The following MDGA2 variants were observed in gnomAD, a reference collection of about 807,000 sequenced individuals.
The protein encoded by MDGA2 is MAM domain-containing glycosylphosphatidylinositol anchor protein 2.
Under a neutral mutation model 117.8 loss-of-function variants are expected in MDGA2, and 40 were observed. The observed-to-expected ratio is 0.34, with a 90% CI of 0.26 to 0.44. The LOEUF (loss-of-function observed/expected upper bound fraction) is 0.44. MDGA2 is among the 20% of genes least tolerant of loss of function. The probability of loss-of-function intolerance (pLI) is 1.00; values close to 1 mark genes in which losing one functional copy is unlikely to be tolerated. For synonymous variants in MDGA2, 452 were observed against 439.0 expected (o/e 1.03, Z -0.37); for missense variants, 1,123 against 1,250.6 (o/e 0.90, Z 1.54).
At chr14:47,089,715 G>T (rs1226576299) in intron 6 of MDGA2, among the ~76,000 whole-genome samples, 1 of 152,020 alleles carries the variant, frequency 6.6e-6, no homozygotes, top group Admixed American at 6.6e-5. Flanking sequence ...CATAAAAAAG[G>T]ATGAGTTCAT....
chr14:47,609,465 A>ATACATATATAT (rs1555336021), intron 1 of MDGA2, among the ~76,000 whole-genome samples: 4 of 107,386 alleles, frequency 3.7e-5, no homozygotes, highest in East Asian at 2.9e-4. Flanking sequence ...ATATATATAT[A>ATACATATATAT]AGTTTCTTTA....
chr14:47,397,444 G>A (rs778043396), intron 1 of MDGA2, among the ~76,000 whole-genome samples: 5 of 151,802 alleles, frequency 3.3e-5, no homozygotes, highest in East Asian at 1.9e-4. Context: ...AAACCTGAAC[G>A]TTCTGCACGT....
intron 6 of MDGA2, among the ~76,000 whole-genome samples, chr14:47,086,094 G>GTTTTTTTTTTTGT (rs1890886243): frequency 7.1e-6 from 1 of 141,774 alleles, no homozygotes; most frequent in Non-Finnish European, 1.5e-5. Flanking sequence ...AATGTGTAAG[G>GTTTTTTTTTTTGT]TTTTTTTTTT....
At chr14:46,886,002 A>C (rs1367128231) in intron 10 of MDGA2, among the ~76,000 whole-genome samples, 1 of 152,116 alleles carries the variant, frequency 6.6e-6, no homozygotes, top group Non-Finnish European at 1.5e-5. Flanking sequence ...CATTCAAAAG[A>C]CGTTTGCTAT....
rs1455557576 is a variant in MDGA2 at position 47,675,000 on chromosome 14, C to T, written c.-204G>A. 1.2e-5 allele frequency: 4 copies of T among 322,844 alleles called. No homozygotes were observed. Among genetic ancestry groups the T allele is most frequent in the African/African-American group, 6.6e-5 (3 of 45,768 alleles). 20.0% of individuals were successfully genotyped at this position (322,844 alleles called of 1,614,324 possible). A position where few individuals can be genotyped will look rare whatever the true frequency, so the allele number is the denominator to read the frequency against. ...CGAGTCTCCGCAGCTGCGGCGGCGG[C>T]GGCGGCGCGCTGGGCCGGCGGCGGG... On this transcript the variant is annotated 5_prime_UTR_variant, in exon 1 of 17. Coordinates refer to ENST00000399232, the MANE Select transcript of MDGA2 (RefSeq NM_001113498.3).
rs111579592 is a variant in MDGA2, at chr14:47,099,364, C to T, written c.926-2241G>A. 6.5e-4 allele frequency among the ~76,000 whole-genome samples: 99 copies of T among 151,682 alleles called. 2 individuals carry two copies. Among genetic ancestry groups the T allele is most frequent in the African/African-American group, 2.3e-3 (95 of 41,402 alleles). ...AAGCAAGCTTCAGTGTAAATCATGT[C>T]GTTGAGTAAAAACTGATATAGGAAA... On this transcript the variant is annotated intron_variant, in intron 5 of 16. Transcript: ENST00000399232.
intron 1 of MDGA2, chr14:47,342,959 G>A (rs1890674835): frequency 3.1e-6 from 2 of 644,094 alleles, no homozygotes; most frequent in Middle Eastern, 2.9e-4. Context: ...AGTCACAGTA[G>A]TAGGAGGAAG....
At chr14:47,312,126 A>C (rs1188059182) in intron 1 of MDGA2, among the ~76,000 whole-genome samples, 2 of 152,176 alleles carry the variant, frequency 1.3e-5, no homozygotes, top group African/African-American at 4.8e-5. Flanking sequence ...AGGCTTTGAC[A>C]ATCTCATAGA....
rs777715271 is a variant in MDGA2, at chr14:47,595,547, C to CAAA, written c.280+78967_280+78969dup. ...AACTCCTTCTAAAAAAACCAAAAAACAAAAAAAAACAAAAAAAAAAAAAAC... is the reference window on the plus strand; with the variant it reads ...AACTCCTTCTAAAAAAACCAAAAAACAAAAAAAAAAAACAAAAAAAAAAAAAAC... On this transcript the variant is annotated intron_variant, in intron 1 of 16. Coordinates refer to ENST00000399232, the MANE Select transcript of MDGA2 (RefSeq NM_001113498.3). Among the ~76,000 whole-genome samples, 3 of 69,042 alleles carry CAAA rather than the reference C, an allele frequency of 4.3e-5. 1 individual carries two copies. Among genetic ancestry groups the CAAA allele is most frequent in the Non-Finnish European group, 7.6e-5 (3 of 39,376 alleles). 45.3% of individuals were successfully genotyped at this position (69,042 alleles called of 152,430 possible).
At chr14:47,360,570 T>A (rs1029898770) in intron 1 of MDGA2, among the ~76,000 whole-genome samples, 1 of 152,026 alleles carries the variant, frequency 6.6e-6, no homozygotes, top group Non-Finnish European at 1.5e-5. Context: ...AGACAAGAGA[T>A]AACAAGTATT....
At chr14:47,617,956 T>G (rs1389637170) in intron 1 of MDGA2, among the ~76,000 whole-genome samples, 1 of 152,174 alleles carries the variant, frequency 6.6e-6, no homozygotes, top group Admixed American at 6.5e-5. Context: ...AATAACTTTT[T>G]AATTAAAAAG....
At chr14:47,192,549 A>C (rs958147638) in intron 3 of MDGA2, among the ~76,000 whole-genome samples, 1 of 152,050 alleles carries the variant, frequency 6.6e-6, no homozygotes, top group African/African-American at 2.4e-5. Flanking sequence ...TGGGAGGCAG[A>C]GAACCTGGGA....
chr14:47,517,344 T>C (rs2009141061), intron 1 of MDGA2, among the ~76,000 whole-genome samples: 1 of 152,170 alleles, frequency 6.6e-6, no homozygotes, highest in Non-Finnish European at 1.5e-5. Context: ...TAAAAGTTAA[T>C]GCAGAGATAT....
intron 3 of MDGA2, among the ~76,000 whole-genome samples, chr14:47,210,530 G>A (rs1885842690): frequency 6.6e-6 from 1 of 152,102 alleles, no homozygotes; most frequent in African/African-American, 2.4e-5. Context: ...AGAATCTTAA[G>A]GTAACAAATA....
intron 1 of MDGA2, among the ~76,000 whole-genome samples, chr14:47,534,634 C>G (rs893210585): frequency 7.9e-5 from 12 of 152,260 alleles, no homozygotes; most frequent in African/African-American, 2.9e-4. Flanking sequence ...CACCTCCCAC[C>G]AAGTCCCCCC....
At chr14:46,845,016 G>A (rs1803619924) in intron 16 of MDGA2, among the ~76,000 whole-genome samples, 1 of 152,076 alleles carries the variant, frequency 6.6e-6, no homozygotes, top group South Asian at 2.1e-4. Flanking sequence ...CGAGTAGCTG[G>A]GACTACAGGG....
At chr14:47,581,542 A>G (rs1013410255) in intron 1 of MDGA2, among the ~76,000 whole-genome samples, 1 of 152,032 alleles carries the variant, frequency 6.6e-6, no homozygotes, top group African/African-American at 2.4e-5. Context: ...CGTACAGTGC[A>G]TATTCCCACT....
chr14:47,540,540 G>GTGTATATATATATATATATA, intron 1 of MDGA2, among the ~76,000 whole-genome samples: 1 of 79,218 alleles, frequency 1.3e-5, no homozygotes, highest in African/African-American at 3.9e-5. Flanking sequence ...GTGTGTGTGT[G>GTGTATATATATATATATATA]TATATATATA....
At chr14:47,350,075 T>C (rs1890845951) in intron 1 of MDGA2, among the ~76,000 whole-genome samples, 1 of 152,240 alleles carries the variant, frequency 6.6e-6, no homozygotes, top group Non-Finnish European at 1.5e-5. Context: ...GATCTCTGTA[T>C]ATTGCTTGGA....
Sources: gnomAD v4.1 joint callset for allele counts (sites outside exome capture counted in the v4.1 genomes callset) on GRCh38, gnomAD v4.1.1 for gene constraint, MANE v1.5 for transcripts, NCBI Gene and HGNC (gene_info 2026-07-23, HGNC 2026-07-21) for gene names.